Variants in LEPR observed in about 807,000 individuals in gnomAD.
LEPR encodes leptin receptor.
LEPR carries 56 observed loss-of-function variants against 114.7 expected under a neutral mutation model. That is an observed-to-expected ratio of 0.49 (90% CI 0.39 to 0.61). LEPR has a LOEUF of 0.61. Among genes scored for constraint, LEPR ranks in the 20% least tolerant of loss-of-function variants. The probability of loss-of-function intolerance (pLI) is 0.00; values close to 1 mark genes in which losing one functional copy is unlikely to be tolerated. For missense variants in LEPR, 1,202 were observed against 1,352.9 expected (o/e 0.89, Z 1.75); for synonymous variants, 443 against 461.4 (o/e 0.96, Z 0.51).
chr1:65,456,288 C>T (rs563265214), intron 2 of LEPR, among the ~76,000 whole-genome samples: 5 of 152,146 alleles, frequency 3.3e-5, no homozygotes, highest in South Asian at 4.2e-4. Context: ...TGTTCCTATT[C>T]GGCCATCTTG....
chr1:65,540,113 T>A (rs1282145064), intron 2 of LEPR, among the ~76,000 whole-genome samples: 1 of 152,178 alleles, frequency 6.6e-6, no homozygotes, highest in African/African-American at 2.4e-5. Flanking sequence ...GTGAATTACA[T>A]ACGCAGATAT....
At chr1:65,602,035 A>G (rs1656474804) in intron 10 of LEPR, 75 bp downstream of exon 10, 2 of 1,232,162 alleles carry the variant, frequency 1.6e-6, no homozygotes, top group Non-Finnish European at 2.4e-6. Flanking sequence ...ATATTACAAC[A>G]GTAGTCTTAC....
rs79380184 is a variant in LEPR, at chr1:65,641,382, T to C, written c.*4367T>C. On this transcript the variant is annotated 3_prime_UTR_variant, in exon 20 of 20. Coordinates refer to ENST00000349533, the MANE Select transcript of LEPR (RefSeq NM_002303.6). ...TAGTCACAACTGGTATTTTAATAAA[T>C]GTTATAAACGTAAGTGCCAAGATAT... 23 of 152,354 alleles carry C rather than the reference T, an allele frequency of 1.5e-4. No individual in the cohort carries two copies. The East Asian group carries it at 4.4e-3, about 29-fold the overall frequency. 9.4% of individuals were successfully genotyped at this position (152,354 alleles called of 1,614,324 possible). A position where few individuals can be genotyped will look rare whatever the true frequency, so the allele number is the denominator to read the frequency against.
chr1:65,597,765 T>A (rs1030931539), intron 7 of LEPR, among the ~76,000 whole-genome samples: 41 of 152,224 alleles, frequency 2.7e-4, no homozygotes, highest in African/African-American at 9.1e-4. Flanking sequence ...TTTTTAGAAC[T>A]GGCAAAAAAA....
intron 2 of LEPR, among the ~76,000 whole-genome samples, chr1:65,552,655 G>A (rs572257566): frequency 2.0e-5 from 3 of 152,210 alleles, no homozygotes; most frequent in African/African-American, 7.2e-5. Context: ...CTGATGGGTC[G>A]TGACTGTTTT....
intron 2 of LEPR, among the ~76,000 whole-genome samples, chr1:65,536,172 A>G (rs1470732080): frequency 1.3e-5 from 2 of 152,154 alleles, no homozygotes; most frequent in African/African-American, 2.4e-5. Context: ...GCTTGGTGAC[A>G]TCATCACAGT....
intron 2 of LEPR, among the ~76,000 whole-genome samples, chr1:65,498,835 G>A (rs1203752798): frequency 2.0e-5 from 3 of 152,066 alleles, no homozygotes; most frequent in African/African-American, 7.2e-5. Flanking sequence ...TTCTTTAAAA[G>A]CTGATTGAAG....
chr1:65,472,446 G>C (rs931985433), intron 2 of LEPR, among the ~76,000 whole-genome samples: 1 of 38,618 alleles, frequency 2.6e-5, no homozygotes, highest in African/African-American at 9.3e-5. Context: ...ACACACACAC[G>C]TGTGTATATA....
At chr1:65,565,762 G>A (rs958478873) in intron 3 of LEPR, among the ~76,000 whole-genome samples, 157 bp downstream of exon 3, 2 of 152,012 alleles carry the variant, frequency 1.3e-5, no homozygotes, top group African/African-American at 4.8e-5. Context: ...CATAGTATAG[G>A]TGTATCAGTG....
At chr1:65,495,438 A>G (rs915255053) in intron 2 of LEPR, among the ~76,000 whole-genome samples, 27 of 152,176 alleles carry the variant, frequency 1.8e-4, no homozygotes, top group African/African-American at 6.0e-4. Flanking sequence ...AACCCTTAAC[A>G]CACTGTTGGC....
chr1:65,578,279 A>T, intron 5 of LEPR: 2 of 228,116 alleles, frequency 8.8e-6, no homozygotes, highest in Non-Finnish European at 1.8e-5. Flanking sequence ...TAAGTGGCTG[A>T]GTCACTTCAC....
At chr1:65,541,503 G>T (rs1018656811) in intron 2 of LEPR, among the ~76,000 whole-genome samples, 1 of 151,874 alleles carries the variant, frequency 6.6e-6, no homozygotes, top group Non-Finnish European at 1.5e-5. Context: ...TTTATGCCAG[G>T]ATGTTGGAAG....
chr1:65,525,293 G>T (rs1298445422), intron 2 of LEPR, among the ~76,000 whole-genome samples: 1 of 148,770 alleles, frequency 6.7e-6, no homozygotes, highest in Non-Finnish European at 1.5e-5. Context: ...AGGGACGGGG[G>T]AACCCCAGTG....
Position 65,616,188 on chromosome 1 carries a change from A to G in LEPR, c.2176A>G (p.Asn726Asp). The change falls in exon 15 of 20, where the codon AAT becomes GAT. Residue 726 changes from asparagine (N) to aspartate (D), a missense_variant. Asn to Asp is a conservative substitution (Grantham distance 23). Transcript: ENST00000349533. ...AINSIGASVA[N>D]FNLTFSWPMS... is the part of the protein sequence containing the mutation. Reference sequence around the variant, plus strand: ...CAATTCAATTGGTGCTTCTGTTGCAAATTTTAATTTAACCTTTTCATGGCC... The same window carrying G: ...CAATTCAATTGGTGCTTCTGTTGCAGATTTTAATTTAACCTTTTCATGGCC... 1 of 1,614,068 alleles carries G rather than the reference A, an allele frequency of 6.2e-7. No homozygotes were observed. The highest frequency in any genetic ancestry group is 8.5e-7 in the Non-Finnish European group (1 of 1,179,964).
intron 12 of LEPR, 63 bp from the exon 13 acceptor site, chr1:65,609,884 C>G: frequency 6.2e-7 from 1 of 1,606,910 alleles, no homozygotes; most frequent in Non-Finnish European, 8.5e-7. Flanking sequence ...AAATGTACTT[C>G]AGGGCCCTTT....
At chr1:65,446,573 T>A (rs1646717409) in intron 2 of LEPR, among the ~76,000 whole-genome samples, 1 of 152,218 alleles carries the variant, frequency 6.6e-6, no homozygotes, top group South Asian at 2.1e-4. Flanking sequence ...TCTTTCTATC[T>A]TCAGTAAAAT....
chr1:65,544,345 A>G (rs1470112006), intron 2 of LEPR, among the ~76,000 whole-genome samples: 2 of 152,016 alleles, frequency 1.3e-5, no homozygotes, highest in Non-Finnish European at 2.9e-5. Flanking sequence ...TTTTGGGCTG[A>G]GACGATGGGG....
chr1:65,607,627 G>C (rs969931503), intron 11 of LEPR, among the ~76,000 whole-genome samples: 1 of 152,232 alleles, frequency 6.6e-6, no homozygotes, highest in South Asian at 2.1e-4. Flanking sequence ...AATGTAGTGT[G>C]TATCATAAAG....
intron 2 of LEPR, chr1:65,429,925 C>T: frequency 1.3e-6 from 2 of 1,554,010 alleles, no homozygotes; most frequent in Non-Finnish European, 1.8e-6. Context: ...ATTTCATTGC[C>T]AAAAGAGTCA....
Sources: gnomAD v4.1 joint callset for allele counts (sites outside exome capture counted in the v4.1 genomes callset) on GRCh38, gnomAD v4.1.1 for gene constraint, MANE v1.5 for transcripts, NCBI Gene and HGNC (gene_info 2026-07-23, HGNC 2026-07-21) for gene names.